GARRE1: variants seen among roughly 807,000 people sequenced by gnomAD.
GARRE1 encodes the protein granule associated Rac and RHOG effector protein 1.
GARRE1 carries 49 observed loss-of-function variants against 103.2 expected under a neutral mutation model. The observed-to-expected ratio is 0.47, with a 90% confidence interval of 0.38 to 0.60. The LOEUF (loss-of-function observed/expected upper bound fraction) is 0.60, where lower values mean the gene tolerates loss of function less well. GARRE1 is among the 20% of genes least tolerant of loss of function. The probability of loss-of-function intolerance (pLI) is 0.00; values close to 1 mark genes in which losing one functional copy is unlikely to be tolerated. For missense variants in GARRE1, 1,199 were observed against 1,370.5 expected (o/e 0.87, Z 1.98); for synonymous variants, 505 against 532.8 (o/e 0.95, Z 0.72).
chr19:34,270,087 G>A (rs1463120251), intron 1 of GARRE1, among the ~76,000 whole-genome samples: 1 of 152,228 alleles, frequency 6.6e-6, no homozygotes, highest in East Asian at 1.9e-4. Context: ...AAGCTAGGCA[G>A]TGATTACTTT....
chr19:34,341,527 C>T lies in GARRE1; in HGVS notation c.1593C>T (p.Gly531=), dbSNP rs2074185460. 2 of 1,613,948 alleles carry T rather than the reference C, an allele frequency of 1.2e-6. No homozygotes were observed. The highest frequency in any genetic ancestry group is 2.2e-5 in the East Asian group (1 of 44,890). ...GAAATGGAAACAAATCTTCAGGTGG[C>T]CTGCAGAAGACATTCTCCAAACTGA... ...PSGNGNKSSG[G]LQKTFSKLTS... The change falls in exon 10 of 14, where the codon GGC becomes GGT. Residue 531 remains glycine, a synonymous_variant. Transcript: ENST00000299505.
In GARRE1 at chr19:34,342,085, G is replaced by C; in HGVS notation, c.2151G>C (p.Leu717=). ...AHTPLTPQPG[L]APQQQSPKQQ... is the part of the protein sequence containing the mutation. ...CACCTCTGACACCCCAGCCGGGACT[G>C]GCACCTCAGCAGCAGTCCCCAAAGC... The change falls in exon 10 of 14, where the codon CTG becomes CTC. Residue 717 remains leucine (L), a synonymous_variant. Transcript: ENST00000299505. 6.2e-7 allele frequency: 1 copy of C among 1,614,140 alleles called. No homozygotes were observed. The highest frequency in any genetic ancestry group is 2.2e-5 in the East Asian group (1 of 44,874).
In GARRE1 at chr19:34,256,105, C is replaced by T. The variant is rs555803695; in HGVS notation, c.-796+1491C>T. On this transcript the variant is annotated intron_variant, in intron 1 of 13. Coordinates refer to ENST00000299505, the MANE Select transcript of GARRE1 (RefSeq NM_014686.5). Reference sequence around the variant, plus strand: ...CCGCCTGGCTCGGCGTTCCAAAGTGCTGGGATTATAGGCGTGAGCCACCGT... The same window carrying T: ...CCGCCTGGCTCGGCGTTCCAAAGTGTTGGGATTATAGGCGTGAGCCACCGT... Among the ~76,000 whole-genome samples the T allele has an allele frequency of 3.3e-5, 5 of 151,978 alleles. No homozygotes were observed. In the East Asian group the frequency reaches 9.7e-4, roughly 30 times the overall value.
intron 1 of GARRE1, among the ~76,000 whole-genome samples, chr19:34,277,019 G>GT (rs1487641664): frequency 6.6e-6 from 1 of 152,180 alleles, no homozygotes; most frequent in African/African-American, 2.4e-5. Context: ...CTCTGAGGGT[G>GT]TAACACTTGT....
chr19:34,304,487 T>C (rs1599764856), intron 2 of GARRE1, among the ~76,000 whole-genome samples: 1 of 151,696 alleles, frequency 6.6e-6, no homozygotes, highest in African/African-American at 2.4e-5. Context: ...GCGATTCTTG[T>C]GCCTCAGCCT....
rs150588047 is a variant in GARRE1 at position 34,260,750 on chromosome 19, A to G, written c.-796+6136A>G. On this transcript the variant is annotated intron_variant, in intron 1 of 13. Coordinates refer to ENST00000299505, the MANE Select transcript of GARRE1 (RefSeq NM_014686.5). ...CTATAGAAAAGATATAAGTCAAAAG[A>G]TATTTCGTAAATGTAGTTTGAAGAA... 1.5e-3 allele frequency among the ~76,000 whole-genome samples: 223 copies of G among 152,366 alleles called. 2 individuals carry two copies. Among genetic ancestry groups the G allele is most frequent in the Non-Finnish European group, 2.3e-3 (159 of 68,034 alleles).
chr19:34,300,499 G>A lies in GARRE1; in HGVS notation c.26G>A (p.Ser9Asn). The part of the protein sequence containing the change: MYCCSAQD[S>N]KMDYKRRFLL... ...ATGTATTGCTGCAGTGCCCAGGACAGTAAAATGGACTACAAGCGGCGCTTC... is the reference window on the plus strand; with the variant it reads ...ATGTATTGCTGCAGTGCCCAGGACAATAAAATGGACTACAAGCGGCGCTTC... Residue 9 changes from serine to asparagine, a missense_variant, in exon 2 of 14, where the codon AGT becomes AAT. Coordinates refer to ENST00000299505, the MANE Select transcript of GARRE1 (RefSeq NM_014686.5). The A allele has an allele frequency of 6.2e-7, 1 of 1,608,348 alleles. No homozygotes were observed. The highest frequency in any genetic ancestry group is 8.5e-7 in the Non-Finnish European group (1 of 1,176,758).
intron 12 of GARRE1, 42 bp downstream of exon 12, chr19:34,349,195 T>A (rs1219220953): frequency 6.2e-7 from 1 of 1,601,032 alleles, no homozygotes; most frequent in Non-Finnish European, 8.5e-7. Context: ...GAGAAGGGCA[T>A]GTGAATGCAA....
At chr19:34,327,952 A>G (rs1382851261) in intron 5 of GARRE1, 38 bp from the exon 6 acceptor site, 1 of 1,613,934 alleles carries the variant, frequency 6.2e-7, no homozygotes, top group East Asian at 2.2e-5. Flanking sequence ...CAGATGAGCG[A>G]TGGGTCACCT....
At chr19:34,269,972 C>G (rs35021423) in intron 1 of GARRE1, among the ~76,000 whole-genome samples, 15,610 of 152,208 alleles carry the variant, frequency 0.1, 1,019 homozygotes, top group East Asian at 0.22. Flanking sequence ...TTGGTGGACC[C>G]CACCCCAAAG....
chr19:34,259,469 G>A (rs952203145), intron 1 of GARRE1, among the ~76,000 whole-genome samples: 2 of 152,166 alleles, frequency 1.3e-5, no homozygotes, highest in African/African-American at 4.8e-5. Flanking sequence ...TTTACTGGAA[G>A]ATCAGAATAC....
chr19:34,332,644 T>C (rs1256920430), intron 7 of GARRE1, among the ~76,000 whole-genome samples: 1 of 152,202 alleles, frequency 6.6e-6, no homozygotes, highest in Non-Finnish European at 1.5e-5. Context: ...TCATTGCAGA[T>C]CAGCTATGGG....
intron 2 of GARRE1, among the ~76,000 whole-genome samples, chr19:34,305,548 A>T (rs2074003868): frequency 6.6e-6 from 1 of 152,216 alleles, no homozygotes. Context: ...CTTCTTCAGG[A>T]CATGCTTGCA....
At chr19:34,331,374 A>G (rs892934134) in intron 7 of GARRE1, among the ~76,000 whole-genome samples, 2 of 152,068 alleles carry the variant, frequency 1.3e-5, no homozygotes, top group South Asian at 4.2e-4. Flanking sequence ...CTCTCTGATT[A>G]TCATGTAGGT....
At chr19:34,301,112 T>C (rs2073976678) in intron 2 of GARRE1, 144 bp downstream of exon 2, 1 of 902,024 alleles carries the variant, frequency 1.1e-6, no homozygotes, top group African/African-American at 1.7e-5. Context: ...AAAAAATGTG[T>C]GCGTGCCAGG....
chr19:34,267,515 T>C (rs2073759634), intron 1 of GARRE1, among the ~76,000 whole-genome samples: 1 of 152,016 alleles, frequency 6.6e-6, no homozygotes, highest in Non-Finnish European at 1.5e-5. Context: ...CAAGACCCTG[T>C]CTTTAAAAAA....
chr19:34,308,579 G>C (rs1375262019), intron 2 of GARRE1, among the ~76,000 whole-genome samples: 1 of 152,076 alleles, frequency 6.6e-6, no homozygotes, highest in Non-Finnish European at 1.5e-5. Flanking sequence ...TTTGCATTGT[G>C]GTCAACAAAC....
At chr19:34,307,600 C>T (rs1484804843) in intron 2 of GARRE1, among the ~76,000 whole-genome samples, 1 of 143,726 alleles carries the variant, frequency 7.0e-6, no homozygotes, top group Non-Finnish European at 1.5e-5. Context: ...TACACATACG[C>T]ACACACATAC....
At position 34,300,862 on chromosome 19, in the gene GARRE1, G is replaced by T. The variant is rs745589597; in HGVS notation, c.389G>T (p.Arg130Leu). Residue 130 changes from arginine to leucine, a missense_variant, in exon 2 of 14, where the codon CGG becomes CTG. Coordinates refer to ENST00000299505, the MANE Select transcript of GARRE1 (RefSeq NM_014686.5). ...GAGCATGTCATGGAAGCAGCCAGTC[G>T]GCTGACCTCGGCCATAAAGCCTGAG... ...VQEHVMEAASRLTSAIKPEIA... is the reference protein window; with the variant it reads ...VQEHVMEAASLLTSAIKPEIA... 6.2e-7 allele frequency: 1 copy of T among 1,613,518 alleles called. No individual in the cohort carries two copies. The highest frequency in any genetic ancestry group is 2.2e-5 in the East Asian group (1 of 44,886).
Sources: gnomAD v4.1 joint callset for allele counts (sites outside exome capture counted in the v4.1 genomes callset) on GRCh38, gnomAD v4.1.1 for gene constraint, MANE v1.5 for transcripts, NCBI Gene and HGNC (gene_info 2026-07-23, HGNC 2026-07-21) for gene names.